TLK2: variants seen among roughly 807,000 people sequenced by gnomAD.
TLK2 encodes the protein serine/threonine-protein kinase tousled-like 2.
TLK2 carries 6 observed loss-of-function variants against 117.3 expected under a neutral mutation model. That is an observed-to-expected ratio of 0.05 (90% CI 0.03 to 0.10). The LOEUF (loss-of-function observed/expected upper bound fraction) is 0.10, where lower values mean the gene tolerates loss of function less well. Among genes scored for constraint, TLK2 ranks in the 10% least tolerant of loss-of-function variants. The probability of loss-of-function intolerance (pLI) is 1.00; values close to 1 mark genes in which losing one functional copy is unlikely to be tolerated. For missense variants in TLK2, 299 were observed against 901.2 expected (o/e 0.33, Z 8.56); for synonymous variants, 257 against 316.7 (o/e 0.81, Z 2.00).
intron 2 of TLK2, among the ~76,000 whole-genome samples, 173 bp from the exon 3 acceptor site, chr17:62,520,600 C>T (rs2075969681): frequency 6.6e-6 from 1 of 151,074 alleles, no homozygotes; most frequent in East Asian, 1.9e-4. Context: ...TCACTTGAAC[C>T]CAGGAGGCAG....
intron 1 of TLK2, among the ~76,000 whole-genome samples, chr17:62,472,063 T>C (rs994062683): frequency 2.6e-5 from 4 of 151,028 alleles, no homozygotes; most frequent in African/African-American, 9.7e-5. Flanking sequence ...CCCCCCACCA[T>C]GTCCGGCTAA....
intron 9 of TLK2, among the ~76,000 whole-genome samples, chr17:62,555,704 C>T (rs910445676): frequency 6.6e-5 from 10 of 151,998 alleles, no homozygotes; most frequent in Admixed American, 3.9e-4. Flanking sequence ...GTCTCGAACC[C>T]CTGACCTTGT....
rs2080463383 is a variant in TLK2 at position 62,573,294 on chromosome 17, A to G, written c.1048A>G (p.Met350Val). 2.5e-6 allele frequency: 4 copies of G among 1,614,122 alleles called. No homozygotes were observed. Among genetic ancestry groups the G allele is most frequent in the Non-Finnish European group, 3.4e-6 (4 of 1,179,990 alleles). Residue 350 changes from methionine to valine, a missense_variant, in exon 12 of 22, where the codon ATG becomes GTG. Physicochemically the swap from Met to Val is conservative, Grantham distance 21. Around this residue, in one of 4 missense-constraint regions of TLK2, gnomAD observed 94 missense variants for 282.6 expected, o/e 0.33. Coordinates refer to ENST00000346027, the MANE Select transcript of TLK2 (RefSeq NM_006852.6). Reference protein sequence around the residue: ...KMLAKRKPPAMGQAPPATNEQ... With the variant: ...KMLAKRKPPAVGQAPPATNEQ... ...GTTAGCAAAGCGGAAACCTCCTGCCATGGGTCAGGCCCCTCCTGCAACCAA... is the reference window on the plus strand; with the variant it reads ...GTTAGCAAAGCGGAAACCTCCTGCCGTGGGTCAGGCCCCTCCTGCAACCAA...
chr17:62,524,473 C>T (rs1239536651), intron 6 of TLK2, 142 bp downstream of exon 6: 14 of 1,292,754 alleles, frequency 1.1e-5, no homozygotes, highest in Non-Finnish European at 1.4e-5. Flanking sequence ...CCTATGAATC[C>T]CTTACTTTGA....
At position 62,539,283 on chromosome 17, in the gene TLK2, G is replaced by A. The variant is rs527866177; in HGVS notation, c.531+2946G>A. ...CAGTATTTCAGAGGATATGACCTTC[G>A]CATCAGACCTCATCTGACGTAATTC... is the stretch of plus-strand genomic sequence containing the variant. On this transcript the variant is annotated intron_variant, in intron 7 of 21. Transcript: ENST00000346027. Among the ~76,000 whole-genome samples the A allele has an allele frequency of 5.3e-5, 8 of 152,158 alleles. No homozygotes were observed. In the East Asian group the frequency reaches 1.5e-3, roughly 29 times the overall value.
Position 62,553,770 on chromosome 17 carries a change from G to C in TLK2, c.720+15G>C. The C allele has an allele frequency of 1.3e-6, 2 of 1,491,038 alleles. No homozygotes were observed. The highest frequency in any genetic ancestry group is 1.9e-6 in the Non-Finnish European group (2 of 1,069,384). 92.4% of individuals were successfully genotyped at this position (1,491,038 alleles called of 1,614,324 possible). A position where few individuals can be genotyped will look rare whatever the true frequency, so the allele number is the denominator to read the frequency against. ...ATTTATTAAGAGTAAGTATTAAAAT[G>C]TAAGAGATTTTATAGCAAGCACCAT... On this transcript the variant is annotated intron_variant, in intron 9 of 21. Transcript: ENST00000346027.
rs201542232 is a variant in TLK2, at chr17:62,481,101, G to C, written c.-5-20G>C. 46 of 1,612,662 alleles carry C rather than the reference G, an allele frequency of 2.9e-5. No homozygotes were observed. Among genetic ancestry groups the C allele is most frequent in the African/African-American group, 4.0e-5 (3 of 74,874 alleles). ...ACATTTTAGTGTTTATGGTTTCACA[G>C]CCTACTTTTTCTTTTTCAGCAGAAA... On this transcript the variant is annotated intron_variant, in intron 1 of 21. Transcript: ENST00000346027.
At chr17:62,543,768 A>G (rs2077709711) in intron 7 of TLK2, among the ~76,000 whole-genome samples, 2 of 152,162 alleles carry the variant, frequency 1.3e-5, no homozygotes, top group African/African-American at 4.8e-5. Flanking sequence ...AAGGTTTTCT[A>G]TTCTGTGGGT....
intron 2 of TLK2, among the ~76,000 whole-genome samples, chr17:62,511,609 A>G (rs570353854): frequency 6.6e-6 from 1 of 152,308 alleles, no homozygotes; most frequent in South Asian, 2.1e-4. Flanking sequence ...GGTTCAAGCA[A>G]TCTTGCTGCC....
intron 9 of TLK2, among the ~76,000 whole-genome samples, chr17:62,557,500 TTGAA>T (rs1174852975): frequency 1.3e-5 from 2 of 152,218 alleles, no homozygotes; most frequent in Non-Finnish European, 2.9e-5. Flanking sequence ...TCCTCCATCT[TTGAA>T]TGAGGAGACC....
At chr17:62,586,826 CA>C (rs35381069) in intron 16 of TLK2, among the ~76,000 whole-genome samples, 85 of 142,620 alleles carry the variant, frequency 6.0e-4, no homozygotes, top group Middle Eastern at 3.6e-3. Context: ...GACTGCATCT[CA>C]AAAAAAAAAA....
chr17:62,496,611 T>C lies in TLK2; in HGVS notation c.81+15405T>C, dbSNP rs1399087586. ...AAATATTTGTGTGTGTGTATATACA[T>C]GGATGTATATTTTTCTTTAGAAAGA... On this transcript the variant is annotated intron_variant, in intron 2 of 21. Coordinates refer to ENST00000346027, the MANE Select transcript of TLK2 (RefSeq NM_006852.6). 7.9e-5 allele frequency among the ~76,000 whole-genome samples: 12 copies of C among 152,118 alleles called. 1 individual carries two copies. Among genetic ancestry groups the C allele is most frequent in the Admixed American group, 5.2e-4 (8 of 15,252 alleles).
At chr17:62,589,726 C>T (rs1228769053) in intron 16 of TLK2, among the ~76,000 whole-genome samples, 4 of 152,258 alleles carry the variant, frequency 2.6e-5, no homozygotes, top group East Asian at 1.9e-4. Context: ...AAGGGTAGAG[C>T]GCTATACATT....
chr17:62,584,356 C>T (rs1024884136), intron 15 of TLK2, among the ~76,000 whole-genome samples: 1 of 151,898 alleles, frequency 6.6e-6, no homozygotes, highest in African/African-American at 2.4e-5. Context: ...ACCTCATGAT[C>T]CACCTCCCTC....
intron 13 of TLK2, among the ~76,000 whole-genome samples, chr17:62,577,682 GT>G (rs1567957664): frequency 6.6e-6 from 1 of 152,170 alleles, no homozygotes; most frequent in African/African-American, 2.4e-5. Flanking sequence ...TTTGGTATGT[GT>G]GCTTTTGTTT....
At chr17:62,519,214 A>G (rs905456273) in intron 2 of TLK2, among the ~76,000 whole-genome samples, 4 of 152,080 alleles carry the variant, frequency 2.6e-5, no homozygotes, top group Admixed American at 2.0e-4. Flanking sequence ...TGTTGATGTG[A>G]AGGAAGGGTA....
chr17:62,553,821 C>T, intron 9 of TLK2, 66 bp downstream of exon 9: 1 of 1,040,192 alleles, frequency 9.6e-7, no homozygotes. Context: ...GGATTATGTA[C>T]ATATCATAGA....
At chr17:62,581,962 G>A (rs2081253081) in intron 15 of TLK2, among the ~76,000 whole-genome samples, 1 of 151,998 alleles carries the variant, frequency 6.6e-6, no homozygotes, top group Non-Finnish European at 1.5e-5. Flanking sequence ...AAAATTCTTG[G>A]GCAGGACAGT....
chr17:62,563,798 C>A (rs2079499607), intron 10 of TLK2, among the ~76,000 whole-genome samples: 1 of 152,050 alleles, frequency 6.6e-6, no homozygotes, highest in Non-Finnish European at 1.5e-5. Flanking sequence ...TTTAAATAAA[C>A]CTGTGTTCAA....
Sources: allele counts gnomAD v4.1 joint callset (sites outside exome capture counted in the v4.1 genomes callset), GRCh38; gene constraint gnomAD v4.1.1; regional missense constraint gnomAD v4.1.1; transcripts MANE v1.5; gene names NCBI Gene and HGNC (gene_info 2026-07-23, HGNC 2026-07-21).